GSN: variants seen among roughly 807,000 people sequenced by gnomAD.
GSN encodes gelsolin, also known as actin-depolymerizing factor.
Under a neutral mutation model 85.7 loss-of-function variants are expected in GSN, and 56 were observed. That is an observed-to-expected ratio of 0.65 (90% CI 0.53 to 0.82). GSN has a LOEUF of 0.82. Ranked by LOEUF, GSN falls within the 40% of genes least tolerant of loss-of-function variation. GSN has a pLI of 0.00. For synonymous variants in GSN, 373 were observed against 399.1 expected (o/e 0.93, Z 0.78); for missense variants, 857 against 979.8 (o/e 0.87, Z 1.67).
Position 121,332,317 on chromosome 9 carries a change from G to A in GSN, c.2027-117G>A, listed in dbSNP as rs2064023123. Reference sequence around the variant, plus strand: ...GCCCAGGGCAGGGGGTGGGCAGTAGGGACAGTAGGACCATAGACCCTCTTC... The same window carrying A: ...GCCCAGGGCAGGGGGTGGGCAGTAGAGACAGTAGGACCATAGACCCTCTTC... On this transcript the variant is annotated intron_variant, in intron 17 of 17. Coordinates refer to ENST00000432226, the MANE Select transcript of GSN (RefSeq NM_198252.3). The surrounding 1 kb of genome is among the most constrained non-coding windows in gnomAD (Gnocchi z 4.8). 1 of 953,192 alleles carries A rather than the reference G, an allele frequency of 1.0e-6. No individual in the cohort carries two copies. The highest frequency in any genetic ancestry group is 1.7e-6 in the Non-Finnish European group (1 of 580,850). 59.0% of individuals were successfully genotyped at this position (953,192 alleles called of 1,614,324 possible). A position where few individuals can be genotyped will look rare whatever the true frequency, so the allele number is the denominator to read the frequency against.
upstream of GSN, among the ~76,000 whole-genome samples, chr9:121,267,321 A>C (rs2055259849): frequency 6.6e-6 from 1 of 152,228 alleles, no homozygotes; most frequent in Admixed American, 6.5e-5. Flanking sequence ...CCTTGCACTC[A>C]TCTTTCTACC....
rs181608098 is a variant in GSN, at chr9:121,249,981, A to G, written c.-341+1658A>G. Among the ~76,000 whole-genome samples, 237 of 152,298 alleles carry G rather than the reference A, an allele frequency of 1.6e-3. 1 individual carries two copies. The highest frequency in any genetic ancestry group is 5.2e-3 in the African/African-American group (216 of 41,552). ...CTATGCTCAGGGAGAAACAGATGAG[A>G]GAAGAAAGAGGGCTGTGTGGTTCCC... is the stretch of plus-strand genomic sequence containing the variant. On this transcript the variant is annotated intron_variant, in intron 6 of 24. Coordinates refer to the GSN transcript ENST00000373823.
intron 2 of GSN, among the ~76,000 whole-genome samples, chr9:121,209,770 A>G (rs1002561731): frequency 6.6e-6 from 1 of 152,384 alleles, no homozygotes; most frequent in Non-Finnish European, 1.5e-5. Flanking sequence ...GAGCCAATAC[A>G]TAGCTCCTGA....
intron 2 of GSN, chr9:121,282,336 C>T (rs570604916): frequency 1.4e-5 from 8 of 581,034 alleles, no homozygotes; most frequent in Non-Finnish European, 2.3e-5. Context: ...GGGGGAATCG[C>T]CCAGCTTCCA....
chr9:121,301,804 A>C lies in GSN; in HGVS notation c.-9-159A>C, dbSNP rs2059892038. ...TCTTGCCCTGTTTGCTGACTCGTTG[A>C]GACAGGGTGCCCAGAAGGGGATAGA... On this transcript the variant is annotated intron_variant, in intron 2 of 17. Coordinates refer to ENST00000432226, the MANE Select transcript of GSN (RefSeq NM_198252.3). 6.2e-6 allele frequency: 7 copies of C among 1,135,034 alleles called. No individual in the cohort carries two copies. The East Asian group carries it at 1.8e-4, about 29-fold the overall frequency. 70.3% of individuals were successfully genotyped at this position (1,135,034 alleles called of 1,614,324 possible).
At chr9:121,298,854 C>T (rs2059463890) in intron 2 of GSN, among the ~76,000 whole-genome samples, 2 of 152,124 alleles carry the variant, frequency 1.3e-5, no homozygotes, top group African/African-American at 4.8e-5. Context: ...TTGGATAGCA[C>T]TTCCCTTAAC....
intron 6 of GSN, chr9:121,313,717 T>G: frequency 1.6e-6 from 1 of 608,722 alleles, no homozygotes; most frequent in Admixed American, 2.6e-5. Flanking sequence ...AGGAGTGTTC[T>G]CCTGGAGTTT....
At chr9:121,268,785 C>T (rs913273623) in intron 1 of GSN, among the ~76,000 whole-genome samples, 4 of 152,196 alleles carry the variant, frequency 2.6e-5, no homozygotes, top group African/African-American at 7.2e-5. Flanking sequence ...CTGCAGTGTT[C>T]CCTTCCCTGA....
chr9:121,308,201 G>T (rs1178582249), intron 4 of GSN, among the ~76,000 whole-genome samples: 1 of 152,242 alleles, frequency 6.6e-6, no homozygotes, highest in African/African-American at 2.4e-5. Context: ...TGTTAGCTCT[G>T]TGAGCACTGG....
chr9:121,223,166 G>C (rs1369606235), intron 4 of GSN, among the ~76,000 whole-genome samples: 3 of 152,142 alleles, frequency 2.0e-5, no homozygotes, highest in Non-Finnish European at 4.4e-5. Context: ...CAATTCCTGA[G>C]ATCTTGTCAG....
At chr9:121,306,268 C>T (rs1266229314) in intron 4 of GSN, among the ~76,000 whole-genome samples, 1 of 152,218 alleles carries the variant, frequency 6.6e-6, no homozygotes, top group East Asian at 1.9e-4. Flanking sequence ...CTCCCTCTCT[C>T]CTATTCCTTA....
chr9:121,274,327 C>T (rs951098871), intron 1 of GSN, among the ~76,000 whole-genome samples: 1 of 152,054 alleles, frequency 6.6e-6, no homozygotes, highest in Admixed American at 6.6e-5. Flanking sequence ...CTTTGGTGTG[C>T]CTGTACCATG....
At chr9:121,310,316 C>T (rs138108666) in intron 4 of GSN, 16 of 337,812 alleles carry the variant, frequency 4.7e-5, no homozygotes, top group African/African-American at 2.4e-4. Flanking sequence ...CTTTGGGAAA[C>T]GCCGGTTTTG....
chr9:121,244,843 C>A (rs2054668437), intron 5 of GSN, among the ~76,000 whole-genome samples: 1 of 151,922 alleles, frequency 6.6e-6, no homozygotes, highest in South Asian at 2.1e-4. Context: ...AATCATTTAT[C>A]TACAAATAAG....
At chr9:121,204,160 T>C (rs148537084), upstream of GSN, among the ~76,000 whole-genome samples, 121 of 152,372 alleles carry the variant, frequency 7.9e-4, no homozygotes, top group African/African-American at 2.8e-3. Context: ...CTAAGAATCA[T>C]GCATATTTTC....
chr9:121,254,653 G>A (rs2054912713), intron 6 of GSN, among the ~76,000 whole-genome samples: 1 of 152,186 alleles, frequency 6.6e-6, no homozygotes, highest in Non-Finnish European at 1.5e-5. Flanking sequence ...TTCTCCCAAA[G>A]ATGAATTCTT....
chr9:121,278,459 T>C (rs1310655928), intron 1 of GSN, among the ~76,000 whole-genome samples: 1 of 152,140 alleles, frequency 6.6e-6, no homozygotes, highest in East Asian at 1.9e-4. Context: ...TATCCCCCCA[T>C]CCCACCTCCA....
chr9:121,281,985 T>C, intron 2 of GSN: 1 of 472,846 alleles, frequency 2.1e-6, no homozygotes, highest in South Asian at 1.5e-5. Context: ...TTGCCAAGTC[T>C]CTGGACTTGT....
chr9:121,276,373 C>T (rs1274943790), intron 1 of GSN, among the ~76,000 whole-genome samples: 1 of 152,228 alleles, frequency 6.6e-6, no homozygotes, highest in Non-Finnish European at 1.5e-5. Context: ...CCTTAGCATC[C>T]GTGCCAGCCT....
Sources: gnomAD v4.1 joint callset for allele counts (sites outside exome capture counted in the v4.1 genomes callset) on GRCh38, gnomAD v4.1.1 for gene constraint, Gnocchi (gnomAD v3.1) non-coding constraint, MANE v1.5 for transcripts, NCBI Gene and HGNC (gene_info 2026-07-23, HGNC 2026-07-21) for gene names.